The following WDR72 variants were observed in gnomAD, a reference collection of about 807,000 sequenced individuals.
WDR72 encodes WD repeat-containing protein 72.
WDR72 carries 120 observed loss-of-function variants against 124.2 expected under a neutral mutation model. That is an observed-to-expected ratio of 0.97 (90% CI 0.83 to 1.12). WDR72 has a LOEUF of 1.12. Ranked by LOEUF, WDR72 falls within the 50% of genes most tolerant of loss-of-function variation. WDR72 has a pLI of 0.00. For synonymous variants in WDR72, 452 were observed against 441.7 expected, an observed-to-expected ratio of 1.02 and a Z score of -0.29; for missense variants, 1,387 against 1,278.8, an observed-to-expected ratio of 1.08 and a Z score of -1.29.
intron 13 of WDR72, among the ~76,000 whole-genome samples, chr15:53,683,414 A>C (rs1259754777): frequency 6.6e-6 from 1 of 152,198 alleles, no homozygotes; most frequent in Non-Finnish European, 1.5e-5. Context: ...CCTGATCATT[A>C]CATATACTGG....
chr15:53,695,969 A>T (rs1300460099), intron 13 of WDR72, among the ~76,000 whole-genome samples: 4 of 152,172 alleles, frequency 2.6e-5, no homozygotes, highest in Admixed American at 6.5e-5. Flanking sequence ...CCAAGCTCCC[A>T]CCAAGGCAGA....
At chr15:53,760,908 G>A (rs902496752), upstream of WDR72, among the ~76,000 whole-genome samples, 1 of 152,166 alleles carries the variant, frequency 6.6e-6, no homozygotes, top group Admixed American at 6.5e-5. Context: ...CAAATCACTT[G>A]AAGTCAGGAG....
At chr15:53,646,622 A>G (rs2015051835) in intron 14 of WDR72, among the ~76,000 whole-genome samples, 1 of 152,160 alleles carries the variant, frequency 6.6e-6, no homozygotes, top group African/African-American at 2.4e-5. Flanking sequence ...TATTCTCCCC[A>G]ACAAAAAGAA....
chr15:53,685,393 C>A (rs1459940912), intron 13 of WDR72, among the ~76,000 whole-genome samples: 2 of 129,098 alleles, frequency 1.5e-5, no homozygotes, highest in South Asian at 2.6e-4. Flanking sequence ...AAAACCAAGG[C>A]TCGAGAACTA....
At chr15:53,585,902 G>A (rs960281841) in intron 18 of WDR72, among the ~76,000 whole-genome samples, 1 of 151,986 alleles carries the variant, frequency 6.6e-6, no homozygotes. Context: ...TTAGCAGTAC[G>A]TCTCTTCATG....
intron 9 of WDR72, among the ~76,000 whole-genome samples, chr15:53,710,169 CG>C (rs1459657993): frequency 6.6e-6 from 1 of 152,058 alleles, no homozygotes; most frequent in Non-Finnish European, 1.5e-5. Context: ...AAAATTTATT[CG>C]TAAGAATAGC....
chr15:53,727,687 A>G (rs2018082037), intron 2 of WDR72, among the ~76,000 whole-genome samples: 1 of 152,176 alleles, frequency 6.6e-6, no homozygotes, highest in African/African-American at 2.4e-5. Context: ...ATGAGGGAAC[A>G]TCAAGGATAT....
chr15:53,652,049 T>C (rs2015262138), intron 14 of WDR72: 1 of 152,202 alleles, frequency 6.6e-6, no homozygotes, highest in Non-Finnish European at 1.5e-5. Context: ...ATTGTTTAAC[T>C]AGCATGTTCA....
intron 13 of WDR72, among the ~76,000 whole-genome samples, chr15:53,669,556 T>A (rs2015917991): frequency 1.3e-5 from 2 of 152,334 alleles, no homozygotes; most frequent in South Asian, 4.1e-4. Context: ...ATTTTCTGTT[T>A]AAGTTACTGC....
rs2015618637 is a variant in WDR72, at chr15:53,661,803, A to G, written c.1962+3769T>C. Among the ~76,000 whole-genome samples the G allele has an allele frequency of 2.0e-5, 3 of 152,186 alleles. No individual in the cohort carries two copies. In the South Asian group the frequency reaches 6.2e-4, roughly 31 times the overall value. ...ACCACATTTCAAATACTCAGTAGCT[A>G]CAAATGTTTAATGGCTACCATTTTA... On this transcript the variant is annotated intron_variant, in intron 14 of 19. Transcript: ENST00000360509.
chr15:53,663,831 TGTG>T (rs1326461206), intron 14 of WDR72, among the ~76,000 whole-genome samples: 1 of 151,934 alleles, frequency 6.6e-6, no homozygotes, highest in Non-Finnish European at 1.5e-5. Context: ...AGACTGTCAG[TGTG>T]GTTCAATTTC....
At chr15:53,758,499 T>C (rs1384911187) in intron 1 of WDR72, among the ~76,000 whole-genome samples, 4 of 151,754 alleles carry the variant, frequency 2.6e-5, no homozygotes, top group African/African-American at 9.7e-5. Context: ...ATTTTAATAT[T>C]GAAGGAGTTA....
At chr15:53,701,813 TA>T (rs1178821270) in intron 12 of WDR72, among the ~76,000 whole-genome samples, 1 of 152,074 alleles carries the variant, frequency 6.6e-6, no homozygotes, top group African/African-American at 2.4e-5. Context: ...ATAATTCCAT[TA>T]AAAATGAAGA....
intron 18 of WDR72, among the ~76,000 whole-genome samples, chr15:53,540,365 C>T (rs1442056064): frequency 6.6e-6 from 1 of 151,938 alleles, no homozygotes; most frequent in Non-Finnish European, 1.5e-5. Context: ...CCGGAGTGAC[C>T]CCTCCAACAT....
intron 18 of WDR72, among the ~76,000 whole-genome samples, chr15:53,526,961 G>T (rs577978084): frequency 1.3e-4 from 20 of 152,208 alleles, no homozygotes; most frequent in African/African-American, 4.8e-4. Context: ...ATTGACGACT[G>T]AAGGGCCAGT....
intron 14 of WDR72, among the ~76,000 whole-genome samples, chr15:53,635,141 A>C (rs2014577372): frequency 1.3e-5 from 2 of 152,250 alleles, no homozygotes; most frequent in Non-Finnish European, 2.9e-5. Flanking sequence ...TACCCTCTGC[A>C]AACCAGTGAG....
chr15:53,710,994 G>A (rs1388868969), intron 8 of WDR72, 41 bp from the exon 9 acceptor site: 3 of 1,547,774 alleles, frequency 1.9e-6, no homozygotes, highest in African/African-American at 2.7e-5. Context: ...GAACTTTGAG[G>A]TTCTTTATTC....
intron 19 of WDR72, among the ~76,000 whole-genome samples, chr15:53,522,041 T>C (rs1595725285): frequency 1.3e-5 from 2 of 151,934 alleles, no homozygotes; most frequent in African/African-American, 4.8e-5. Context: ...AAAGCAGAAG[T>C]GTGGTTGAGA....
intron 14 of WDR72, among the ~76,000 whole-genome samples, chr15:53,645,438 G>C (rs993528640): frequency 2.6e-5 from 4 of 152,136 alleles, no homozygotes; most frequent in African/African-American, 7.2e-5. Context: ...TATAGGTTTT[G>C]TGTTTTAAGT....
Sources: gnomAD v4.1 joint callset for allele counts (sites outside exome capture counted in the v4.1 genomes callset) on GRCh38, gnomAD v4.1.1 for gene constraint, MANE v1.5 for transcripts, NCBI Gene and HGNC (gene_info 2026-07-23, HGNC 2026-07-21) for gene names.